The following LIN7B variants were observed in gnomAD, a reference collection of about 807,000 sequenced individuals.
LIN7B encodes the protein lin-7 cell polarity scaffold B, also known as protein lin-7 homolog B.
LIN7B carries 16 observed loss-of-function variants against 27.9 expected under a neutral mutation model. That is an observed-to-expected ratio of 0.57 (90% CI 0.39 to 0.87). The LOEUF is 0.87. Ranked by LOEUF, LIN7B falls within the 40% of genes least tolerant of loss-of-function variation. The pLI is 0.00. For missense variants in LIN7B, 291 were observed against 288.5 expected (o/e 1.01, Z -0.06); for synonymous variants, 147 against 120.8 (o/e 1.22, Z -1.42).
chr19:49,115,971 T>C (rs2040818868), intron 3 of LIN7B: 1 of 294,006 alleles, frequency 3.4e-6, no homozygotes. Context: ...GATCATGCCA[T>C]TGCACTCCAG....
At chr19:49,115,636 C>T in intron 3 of LIN7B, 1 of 280,964 alleles carries the variant, frequency 3.6e-6, no homozygotes, top group South Asian at 5.5e-5. Flanking sequence ...GCTGCTACCT[C>T]TTGCTGCTGT....
intron 4 of LIN7B, 67 bp from the exon 5 acceptor site, chr19:49,117,788 A>C (rs2040854605): frequency 6.9e-7 from 1 of 1,442,936 alleles, no homozygotes; most frequent in Non-Finnish European, 9.7e-7. Flanking sequence ...AGTGGGTCCC[A>C]TCTCCCAGTG....
intron 3 of LIN7B, among the ~76,000 whole-genome samples, chr19:49,115,645 G>C (rs1253945986): frequency 6.6e-6 from 1 of 151,994 alleles, no homozygotes; most frequent in Non-Finnish European, 1.5e-5. Flanking sequence ...TCTTGCTGCT[G>C]TCCGGAGGCT....
At chr19:49,116,499 G>T in intron 4 of LIN7B, 27 bp downstream of exon 4, 2 of 1,590,862 alleles carry the variant, frequency 1.3e-6, no homozygotes, top group South Asian at 1.1e-5. Context: ...GGCAGGACTG[G>T]GGGACACAGT....
intron 1 of LIN7B, 165 bp downstream of exon 1, chr19:49,114,606 C>CCTGGGCGCGGGCCGGGACG (rs2040793513): frequency 1.9e-6 from 1 of 525,136 alleles, no homozygotes; most frequent in African/African-American, 2.0e-5. Context: ...TGGGAGGCTC[C>CCTGGGCGCGGGCCGGGACG]CTGGGCGCGG....
rs2122460100 is a variant in LIN7B at position 49,116,302 on chromosome 19, C to T, written c.268C>T (p.His90Tyr). The change falls in exon 4 of 6, where the codon CAT (histidine) becomes TAT (tyrosine). Residue 90 changes from histidine (H) to tyrosine (Y), a missense_variant. By Grantham distance (83) the His-to-Tyr change is moderately conservative (BLOSUM62 2). Coordinates refer to ENST00000221459, the MANE Select transcript of LIN7B (RefSeq NM_022165.3). ...CTTCACAGCCAGCGAGGGCCACGCA[C>T]ATCCCAGGGTAGTGGAGCTACCCAA... ...AAFTASEGHAHPRVVELPKTD... is the reference protein window; with the variant it reads ...AAFTASEGHAYPRVVELPKTD... 1.9e-6 allele frequency: 3 copies of T among 1,614,112 alleles called. No individual in the cohort carries two copies. Among genetic ancestry groups the T allele is most frequent in the Non-Finnish European group, 2.5e-6 (3 of 1,179,980 alleles).
At chr19:49,115,417 C>A in intron 3 of LIN7B, 86 bp downstream of exon 3, 1 of 1,213,974 alleles carries the variant, frequency 8.2e-7, no homozygotes, top group Non-Finnish European at 1.1e-6. Context: ...ATTTCTGTTT[C>A]CTCCCTCATG....
At position 49,117,951 on chromosome 19, in the gene LIN7B, G is replaced by A. The variant is rs755988671; in HGVS notation, c.535G>A (p.Glu179Lys). 2.2e-5 allele frequency: 35 copies of A among 1,614,102 alleles called. No homozygotes were observed. Among genetic ancestry groups the A allele is most frequent in the Non-Finnish European group, 2.9e-5 (34 of 1,179,988 alleles). ...LVVRYTPRVL[E>K]EMEARFEKMR... ...TGTCCGTTACACACCGCGAGTGCTG[G>A]AGGAGATGGAGGCCCGGTTCGAGAA... Residue 179 changes from glutamate (E) to lysine (K), a missense_variant, in exon 5 of 6, where the codon GAG becomes AAG. By Grantham distance (56) the Glu-to-Lys change is moderately conservative. Coordinates refer to ENST00000221459, the MANE Select transcript of LIN7B (RefSeq NM_022165.3).
At position 49,117,040 on chromosome 19, in the gene LIN7B, G is replaced by A. The variant is rs2040836912; in HGVS notation, c.438+568G>A. ...GCACGTGGATCACTTGAGGTCAGGA[G>A]TTCAAGACCAGCCTGGCCAACATGG... On this transcript the variant is annotated intron_variant, in intron 4 of 5. Transcript: ENST00000221459. Among the ~76,000 whole-genome samples the A allele has an allele frequency of 2.6e-5, 4 of 152,070 alleles. No individual in the cohort carries two copies. In the South Asian group the frequency reaches 8.3e-4, roughly 32 times the overall value.
chr19:49,115,840 AAAAAAG>A (rs1176235696), intron 3 of LIN7B: 2 of 150,306 alleles, frequency 1.3e-5, no homozygotes, highest in African/African-American at 2.6e-5. Flanking sequence ...CAAAAAAAAA[AAAAAAG>A]AAAGAAAAAG....
chr19:49,117,135 A>G (rs2122466213), intron 4 of LIN7B, among the ~76,000 whole-genome samples: 1 of 151,492 alleles, frequency 6.6e-6, no homozygotes, highest in Middle Eastern at 3.4e-3. Context: ...AATCCCAGCT[A>G]CTTGGGAGGG....
chr19:49,117,465 G>A (rs960432821), intron 4 of LIN7B, among the ~76,000 whole-genome samples: 4 of 152,030 alleles, frequency 2.6e-5, no homozygotes, highest in East Asian at 1.9e-4. Context: ...ATGAACTGAG[G>A]GGAGAGATTA....
At position 49,114,844 on chromosome 19, in the gene LIN7B, CG is replaced by C; in HGVS notation, c.38-4del. The C allele has an allele frequency of 6.9e-7, 1 of 1,441,246 alleles. No individual in the cohort carries two copies. Among genetic ancestry groups the C allele is most frequent in the Non-Finnish European group, 9.1e-7 (1 of 1,100,520 alleles). The allele number at this position is 1,441,246 out of a possible 1,614,324, so 89.3% of individuals were successfully genotyped here. A position where few individuals can be genotyped will look rare whatever the true frequency, so the allele number is the denominator to read the frequency against. On this transcript the variant is annotated splice_polypyrimidine_tract_variant and splice_region_variant and intron_variant, in intron 1 of 5. Transcript: ENST00000221459. The stretch of plus-strand genomic sequence containing the variant: ...GGGTTTCTGCGCCCCGCCCCCGCCC[CG>C]CAGACGTGTCCCGGGCGGTTGAGCT...
chr19:49,115,153 CG>C, intron 2 of LIN7B, 106 bp from the exon 3 acceptor site: 1 of 1,028,962 alleles, frequency 9.7e-7, no homozygotes, highest in Non-Finnish European at 1.4e-6. Context: ...GTTGCGGGGG[CG>C]GGGCGGATCC....
chr19:49,118,298 C>CT, intron 5 of LIN7B, 54 bp from the exon 6 acceptor site: 1 of 1,603,616 alleles, frequency 6.2e-7, no homozygotes, highest in South Asian at 1.1e-5. Flanking sequence ...TCCTGCCCCT[C>CT]TTGTCTACCC....
Position 49,117,994 on chromosome 19 carries a change from G to C in LIN7B, c.578G>C (p.Arg193Pro). The change falls in exon 5 of 6, where the codon CGG (arginine) becomes CCG (proline). Residue 193 changes from arginine to proline, a missense_variant. Physicochemically the swap from Arg to Pro is moderately radical, Grantham distance 103. Transcript: ENST00000221459. ...TTCGAGAAGATGCGCTCTGCCCGCCGGCGCCAACAGCATCAGAGCTACTCG... is the reference window on the plus strand; with the variant it reads ...TTCGAGAAGATGCGCTCTGCCCGCCCGCGCCAACAGCATCAGAGCTACTCG... ...ARFEKMRSAR[R>P]RQQHQSYSSL... 3 of 1,614,014 alleles carry C rather than the reference G, an allele frequency of 1.9e-6. No individual in the cohort carries two copies. Among genetic ancestry groups the C allele is most frequent in the Non-Finnish European group, 1.7e-6 (2 of 1,179,978 alleles).
rs1568428268 is a variant in LIN7B at position 49,116,482 on chromosome 19, G to C, written c.438+10G>C. 1.9e-6 allele frequency: 3 copies of C among 1,611,778 alleles called. No homozygotes were observed. The highest frequency in any genetic ancestry group is 2.2e-5 in the East Asian group (1 of 44,822). ...GTCGGTGAACGGTGTGGTGAGTGGA[G>C]GGCTGAGGCAGGACTGGGGGACACA... On this transcript the variant is annotated intron_variant, in intron 4 of 5. Transcript: ENST00000221459.
At chr19:49,115,412 T>C (rs528564985) in intron 3 of LIN7B, 81 bp downstream of exon 3, 4 of 1,246,636 alleles carry the variant, frequency 3.2e-6, no homozygotes, top group Admixed American at 5.0e-5. Context: ...CAGTCATTTC[T>C]GTTTCCTCCC....
Position 49,116,387 on chromosome 19 carries a change from A to G in LIN7B, c.353A>G (p.Tyr118Cys), listed in dbSNP as rs771185056. ...MGGKEQNSPI[Y>C]ISRVIPGGVA... ...GGCAAAGAGCAAAACTCGCCCATCT[A>G]CATCTCCCGGGTCATCCCAGGGGGT... Residue 118 changes from tyrosine (Y) to cysteine (C), a missense_variant, in exon 4 of 6, where the codon TAC becomes TGC. Physicochemically the swap from Tyr to Cys is radical, Grantham distance 194. Coordinates refer to ENST00000221459, the MANE Select transcript of LIN7B (RefSeq NM_022165.3). 1.2e-6 allele frequency: 2 copies of G among 1,614,126 alleles called. No individual in the cohort carries two copies. The highest frequency in any genetic ancestry group is 8.5e-7 in the Non-Finnish European group (1 of 1,180,050).
Sources: allele counts gnomAD v4.1 joint callset (sites outside exome capture counted in the v4.1 genomes callset), GRCh38; gene constraint gnomAD v4.1.1; transcripts MANE v1.5; gene names NCBI Gene and HGNC (gene_info 2026-07-23, HGNC 2026-07-21).